The following STXBP6 variants were observed in gnomAD, a reference collection of about 807,000 sequenced individuals.
STXBP6 encodes syntaxin binding protein 6, also known as syntaxin-binding protein 6.
In STXBP6, 21 loss-of-function variants were observed where a neutral mutation model predicts 26.9. The ratio of observed to expected loss-of-function variants is 0.78; its 90% CI spans 0.55 to 1.12. STXBP6 has a LOEUF of 1.12. Among genes scored for constraint, STXBP6 ranks in the 50% most tolerant of loss-of-function variants. The pLI is 0.00. For missense variants in STXBP6, 232 were observed against 257.9 expected (o/e 0.90, Z 0.69); for synonymous variants, 97 against 92.6 (o/e 1.05, Z -0.27).
intron 2 of STXBP6, among the ~76,000 whole-genome samples, chr14:24,957,802 T>C (rs1378525456): frequency 6.6e-6 from 1 of 152,226 alleles, no homozygotes; most frequent in African/African-American, 2.4e-5. Flanking sequence ...TAGTCAGTAG[T>C]AGAAACAGGA....
In STXBP6 at chr14:24,810,325, A is replaced by AC. The variant is rs2067783542; in HGVS notation, c.*2383dup. 1 of 152,244 alleles carries AC rather than the reference A, an allele frequency of 6.6e-6. No individual in the cohort carries two copies. The highest frequency in any genetic ancestry group is 2.1e-4 in the South Asian group (1 of 4,832). The allele number at this position is 152,244 out of a possible 1,614,324, so 9.4% of individuals were successfully genotyped here. On this transcript the variant is annotated 3_prime_UTR_variant, in exon 6 of 6. Coordinates refer to ENST00000323944, the MANE Select transcript of STXBP6 (RefSeq NM_001394410.1). ...AATACTTTGCACTGCAGCACCTTCT[A>AC]CAAGAGGACAGCAAAGAACTTCACA...
rs150834916 is a variant in STXBP6 at position 24,841,799 on chromosome 14, G to A, written c.451+14137C>T. 5.4e-3 allele frequency among the ~76,000 whole-genome samples: 820 copies of A among 151,962 alleles called. 7 individuals are homozygous for A. Among genetic ancestry groups the A allele is most frequent in the African/African-American group, 0.019 (777 of 41,430 alleles). ...AGTTCCTGTGTTATAACATCTTAACGTTTTTTCTAATTTCTTCCTTTATCT... is the reference window on the plus strand; with the variant it reads ...AGTTCCTGTGTTATAACATCTTAACATTTTTTCTAATTTCTTCCTTTATCT... On this transcript the variant is annotated intron_variant, in intron 4 of 5. Coordinates refer to ENST00000323944, the MANE Select transcript of STXBP6 (RefSeq NM_001394410.1).
chr14:24,880,210 C>T (rs1003428927), intron 2 of STXBP6, among the ~76,000 whole-genome samples: 1 of 151,960 alleles, frequency 6.6e-6, no homozygotes, highest in African/African-American at 2.4e-5. Flanking sequence ...CACAATATTC[C>T]CCAGGGAAAC....
chr14:25,036,214 CAAAA>C (rs559433301), intron 1 of STXBP6, among the ~76,000 whole-genome samples: 13,991 of 79,688 alleles, frequency 0.18, 682 homozygotes, highest in African/African-American at 0.22. Context: ...AAGACTCCAT[CAAAA>C]AAAAAAAAAA....
At chr14:24,991,542 T>C (rs1441390846) in intron 1 of STXBP6, among the ~76,000 whole-genome samples, 1 of 152,150 alleles carries the variant, frequency 6.6e-6, no homozygotes, top group African/African-American at 2.4e-5. Flanking sequence ...AGAACTTTCA[T>C]TGCCTGTTAG....
chr14:24,978,947 C>G (rs1344828859), intron 1 of STXBP6, among the ~76,000 whole-genome samples: 1 of 152,186 alleles, frequency 6.6e-6, no homozygotes, highest in Admixed American at 6.5e-5. Context: ...AGTAGTGGAA[C>G]TGGTATTTGT....
At chr14:24,867,761 A>C (rs1220681867) in intron 2 of STXBP6, among the ~76,000 whole-genome samples, 1 of 152,212 alleles carries the variant, frequency 6.6e-6, no homozygotes, top group Non-Finnish European at 1.5e-5. Context: ...GGTTACGGCA[A>C]AGATTTCCTA....
chr14:25,008,846 A>G (rs61978840), intron 1 of STXBP6, among the ~76,000 whole-genome samples: 2,302 of 152,334 alleles, frequency 0.015, 27 homozygotes, highest in Non-Finnish European at 0.025. Context: ...AACAACTCAC[A>G]GAAGAATGGC....
intron 2 of STXBP6, among the ~76,000 whole-genome samples, chr14:24,917,898 G>A (rs187345540): frequency 8.6e-4 from 131 of 151,750 alleles, no homozygotes; most frequent in African/African-American, 2.9e-3. Context: ...TATCCTTGCC[G>A]GACTTCCTCC....
chr14:24,968,979 G>A (rs1038039643), intron 2 of STXBP6, among the ~76,000 whole-genome samples: 4 of 152,062 alleles, frequency 2.6e-5, no homozygotes, highest in African/African-American at 9.7e-5. Context: ...TTAGAACCAG[G>A]CCATCTGTAC....
chr14:24,856,951 C>A, intron 3 of STXBP6, 76 bp downstream of exon 3: 1 of 1,526,324 alleles, frequency 6.6e-7, no homozygotes, highest in South Asian at 1.3e-5. Context: ...CAAACCACCA[C>A]TACCACTACC....
intron 2 of STXBP6, among the ~76,000 whole-genome samples, chr14:24,925,994 C>T (rs1214541636): frequency 1.3e-5 from 2 of 152,044 alleles, no homozygotes; most frequent in Admixed American, 6.5e-5. Context: ...TTCCTGAGTG[C>T]ATTGGATGTA....
At chr14:24,995,272 C>T (rs980058446) in intron 1 of STXBP6, among the ~76,000 whole-genome samples, 6 of 152,104 alleles carry the variant, frequency 3.9e-5, no homozygotes, top group South Asian at 2.1e-4. Context: ...AATCTGCCCT[C>T]GTGACCTAGT....
intron 1 of STXBP6, among the ~76,000 whole-genome samples, chr14:25,032,902 C>T (rs2075485319): frequency 6.6e-6 from 1 of 152,184 alleles, no homozygotes; most frequent in South Asian, 2.1e-4. Flanking sequence ...GCAGGCACAT[C>T]TCTATATGAT....
At chr14:24,881,820 G>C (rs1171276968) in intron 2 of STXBP6, among the ~76,000 whole-genome samples, 1 of 152,202 alleles carries the variant, frequency 6.6e-6, no homozygotes, top group African/African-American at 2.4e-5. Flanking sequence ...CAGAGCAACT[G>C]TGTGTACAGG....
chr14:24,832,952 A>G (rs932274380), intron 4 of STXBP6, among the ~76,000 whole-genome samples: 1 of 152,220 alleles, frequency 6.6e-6, no homozygotes, highest in East Asian at 1.9e-4. Context: ...CTACTCTTTA[A>G]GATAGATACT....
intron 2 of STXBP6, among the ~76,000 whole-genome samples, chr14:24,908,036 T>G (rs1270119342): frequency 6.6e-6 from 1 of 152,138 alleles, no homozygotes; most frequent in East Asian, 1.9e-4. Context: ...TGACCCCATT[T>G]GGGTGTCTGT....
intron 5 of STXBP6, among the ~76,000 whole-genome samples, chr14:24,813,210 C>G (rs930709282): frequency 2.0e-5 from 3 of 152,164 alleles, no homozygotes; most frequent in Admixed American, 6.6e-5. Context: ...GACGTTCCAC[C>G]AAGTCCACAG....
chr14:24,924,884 G>A (rs1372808695), intron 2 of STXBP6, among the ~76,000 whole-genome samples: 1 of 152,172 alleles, frequency 6.6e-6, no homozygotes, highest in Non-Finnish European at 1.5e-5. Flanking sequence ...TTATCCAAAG[G>A]AAGCAATACC....
Sources: gnomAD v4.1 joint callset for allele counts (sites outside exome capture counted in the v4.1 genomes callset) on GRCh38, gnomAD v4.1.1 for gene constraint, MANE v1.5 for transcripts, NCBI Gene and HGNC (gene_info 2026-07-23, HGNC 2026-07-21) for gene names.